The following FBXL2 variants were observed in gnomAD, a reference collection of about 807,000 sequenced individuals.
FBXL2 encodes F-box/LRR-repeat protein 2.
In FBXL2, 38 loss-of-function variants were observed where a neutral mutation model predicts 69.2. The ratio of observed to expected loss-of-function variants is 0.55; its 90% CI spans 0.42 to 0.72. The LOEUF (loss-of-function observed/expected upper bound fraction) is 0.72. Among genes scored for constraint, FBXL2 ranks in the 30% least tolerant of loss-of-function variants. The pLI, the probability that FBXL2 is intolerant of heterozygous loss-of-function variation, is 0.00. For synonymous variants in FBXL2, 192 were observed against 201.3 expected (o/e 0.95, Z 0.39); for missense variants, 354 against 520.3 (o/e 0.68, Z 3.11).
intron 2 of FBXL2, among the ~76,000 whole-genome samples, chr3:33,320,027 A>G (rs1313593791): frequency 1.3e-5 from 2 of 152,198 alleles, no homozygotes; most frequent in Non-Finnish European, 2.9e-5. Flanking sequence ...TAGGCCCAGT[A>G]TTACAGATAT....
At chr3:33,407,539 AATTT>A (rs2044460169), downstream of FBXL2, among the ~76,000 whole-genome samples, 1 of 147,294 alleles carries the variant, frequency 6.8e-6, no homozygotes, top group Non-Finnish European at 1.5e-5. Context: ...CTTTGATTCG[AATTT>A]ATTTAAAAAA....
chr3:33,421,414 A>G, the FBXL2 span, among the ~76,000 whole-genome samples: 1 of 152,170 alleles, frequency 6.6e-6, no homozygotes, highest in Non-Finnish European at 1.5e-5. Context: ...CTGGGACTAC[A>G]GGCGTGCGCC....
intron 5 of FBXL2, 85 bp from the exon 6 acceptor site, chr3:33,373,007 C>T (rs1260040541): frequency 1.8e-5 from 20 of 1,122,132 alleles, no homozygotes; most frequent in Non-Finnish European, 2.6e-5. Context: ...TGAGGGAGCG[C>T]TGTTCTAAGC....
intron 5 of FBXL2, among the ~76,000 whole-genome samples, chr3:33,366,553 A>G (rs113497183): frequency 0.018 from 2,759 of 152,180 alleles, 35 homozygotes; most frequent in South Asian, 0.027. Context: ...AGTCCTAGCT[A>G]TTTGGGAGGC....
intron 1 of FBXL2, among the ~76,000 whole-genome samples, chr3:33,286,709 T>A (rs2034659610): frequency 6.6e-6 from 1 of 152,210 alleles, no homozygotes; most frequent in African/African-American, 2.4e-5. Flanking sequence ...CCCGGCTGCT[T>A]TGTTTACCTA....
At chr3:33,339,257 A>G (rs1022666796) in intron 2 of FBXL2, among the ~76,000 whole-genome samples, 1 of 152,208 alleles carries the variant, frequency 6.6e-6, no homozygotes, top group Non-Finnish European at 1.5e-5. Flanking sequence ...CAGAACAGCT[A>G]TTATTAAAAT....
At chr3:33,365,085 C>G (rs939398171) in intron 5 of FBXL2, among the ~76,000 whole-genome samples, 1 of 152,176 alleles carries the variant, frequency 6.6e-6, no homozygotes, top group African/African-American at 2.4e-5. Context: ...GTTTTCCTCT[C>G]ATAATATTAG....
intron 2 of FBXL2, among the ~76,000 whole-genome samples, chr3:33,346,788 A>T (rs866544536): frequency 1.3e-5 from 2 of 151,334 alleles, no homozygotes; most frequent in Non-Finnish European, 2.9e-5. Flanking sequence ...CATTAGAAGG[A>T]TAATAAAGGA....
At chr3:33,349,182 G>GATCT (rs2040656754) in intron 2 of FBXL2, among the ~76,000 whole-genome samples, 1 of 152,088 alleles carries the variant, frequency 6.6e-6, no homozygotes. Context: ...GGTCATCCTT[G>GATCT]ATCTTAGAGG....
intron 12 of FBXL2, among the ~76,000 whole-genome samples, chr3:33,395,615 C>T (rs550495265): frequency 5.3e-5 from 8 of 151,850 alleles, no homozygotes; most frequent in South Asian, 2.1e-4. Context: ...CGGCACCAGA[C>T]GCGCCACACA....
the FBXL2 span, chr3:33,412,614 A>G: frequency 1.3e-6 from 1 of 764,454 alleles, no homozygotes; most frequent in Non-Finnish European, 2.2e-6. Context: ...AAATCCACAA[A>G]CACCAAAACT....
At chr3:33,285,447 G>A (rs1020260531) in intron 1 of FBXL2, among the ~76,000 whole-genome samples, 1 of 152,154 alleles carries the variant, frequency 6.6e-6, no homozygotes, top group Non-Finnish European at 1.5e-5. Context: ...TGGGTAACCC[G>A]ACCTTTCTCT....
chr3:33,278,549 G>GA (rs1185519476), intron 1 of FBXL2, among the ~76,000 whole-genome samples: 3 of 152,294 alleles, frequency 2.0e-5, no homozygotes, highest in South Asian at 2.1e-4. Flanking sequence ...GCCTCATGGA[G>GA]AAAAAACTAT....
chr3:33,360,949 T>G (rs1443853584), intron 4 of FBXL2, among the ~76,000 whole-genome samples: 1 of 131,698 alleles, frequency 7.6e-6, no homozygotes, highest in Non-Finnish European at 1.6e-5. Context: ...TTTTTTTTTT[T>G]GAGACAGAGT....
chr3:33,411,342 G>T, the FBXL2 span, among the ~76,000 whole-genome samples: 1 of 152,084 alleles, frequency 6.6e-6, no homozygotes, highest in African/African-American at 2.4e-5. Context: ...TCATTATTGG[G>T]ACTACTAGTG....
In FBXL2 at chr3:33,299,024, T is replaced by A. The variant is rs558760730; in HGVS notation, c.65+1299T>A. ...TGACAATGGAATCCTTTTATTTTTT[T>A]AATTTTATTTATTTATTTATTTATT... On this transcript the variant is annotated intron_variant, in intron 2 of 14. Coordinates refer to ENST00000484457, the MANE Select transcript of FBXL2 (RefSeq NM_012157.5). 5.2e-3 allele frequency among the ~76,000 whole-genome samples: 781 copies of A among 149,068 alleles called. 3 individuals carry two copies. Among genetic ancestry groups the A allele is most frequent in the African/African-American group, 0.013 (540 of 40,140 alleles).
intron 2 of FBXL2, among the ~76,000 whole-genome samples, chr3:33,356,197 TTTA>T (rs1287407452): frequency 1.3e-5 from 2 of 152,164 alleles, no homozygotes; most frequent in East Asian, 1.9e-4. Flanking sequence ...AACTACTTCA[TTTA>T]TTATTATCAG....
chr3:33,393,474 A>AG, intron 12 of FBXL2: 3 of 1,590,078 alleles, frequency 1.9e-6, no homozygotes, highest in Non-Finnish European at 2.6e-6. Flanking sequence ...AAAAAAAAAA[A>AG]AGAAAAGCAT....
intron 1 of FBXL2, chr3:33,289,652 C>G: frequency 1.9e-6 from 1 of 521,028 alleles, no homozygotes; most frequent in Non-Finnish European, 2.5e-6. Flanking sequence ...GCTGGAGTGA[C>G]AGTTTGGAAT....
Sources: gnomAD v4.1 joint callset for allele counts (sites outside exome capture counted in the v4.1 genomes callset) on GRCh38, gnomAD v4.1.1 for gene constraint, MANE v1.5 for transcripts, NCBI Gene and HGNC (gene_info 2026-07-23, HGNC 2026-07-21) for gene names.